The following GRID2IP variants were observed in gnomAD, a reference collection of about 807,000 sequenced individuals.
The protein encoded by GRID2IP is delphilin.
GRID2IP carries 78 observed loss-of-function variants against 114.3 expected under a neutral mutation model. That is an observed-to-expected ratio of 0.68 (90% CI 0.57 to 0.82). GRID2IP has a LOEUF of 0.82. Among genes scored for constraint, GRID2IP ranks in the 40% least tolerant of loss-of-function variants. GRID2IP has a pLI of 0.00. For missense variants in GRID2IP, 1,727 were observed against 1,678.5 expected, an observed-to-expected ratio of 1.03 and a Z score of -0.51; for synonymous variants, 809 against 724.0, an observed-to-expected ratio of 1.12 and a Z score of -1.89.
chr7:6,551,263 G>GC lies in GRID2IP; in HGVS notation c.173dup (p.Gly59ArgfsTer58). 6.5e-7 allele frequency: 1 copy of GC among 1,535,976 alleles called. No homozygotes were observed. Among genetic ancestry groups the GC allele is most frequent in the Non-Finnish European group, 8.7e-7 (1 of 1,145,590 alleles). On this transcript the variant is annotated frameshift_variant, in exon 1 of 22. Transcript: ENST00000457091. LOFTEE classifies it high-confidence loss of function. ...GCACGAGGCGCTCGCGGCTCAGACC[G>GC]CCCACCGCCAGCCCCTCCACCTCCA...
chr7:6,503,736 G>A, intron 15 of GRID2IP, 49 bp from the exon 16 acceptor site: 2 of 1,370,860 alleles, frequency 1.5e-6, no homozygotes, highest in Non-Finnish European at 1.9e-6. Context: ...AGCGGGGCCG[G>A]ATGGGACCCA....
At chr7:6,524,661 A>G (rs1465060331) in intron 4 of GRID2IP, among the ~76,000 whole-genome samples, 1 of 151,882 alleles carries the variant, frequency 6.6e-6, no homozygotes, top group Non-Finnish European at 1.5e-5. Flanking sequence ...TGGAGGCTAC[A>G]GTGGGCCATG....
At chr7:6,511,182 C>A in intron 8 of GRID2IP, 143 bp from the exon 9 acceptor site, 3 of 1,159,454 alleles carry the variant, frequency 2.6e-6, no homozygotes, top group Non-Finnish European at 3.3e-6. Context: ...GCCTCCAGAA[C>A]AGCTCTTGAG....
rs934140368 is a variant in GRID2IP, at chr7:6,526,835, G to C, written c.585-66C>G. 1.4e-6 allele frequency: 2 copies of C among 1,400,800 alleles called. No homozygotes were observed. The highest frequency in any genetic ancestry group is 2.9e-5 in the Admixed American group (1 of 34,598). The allele number at this position is 1,400,800 out of a possible 1,614,324, so 86.8% of individuals were successfully genotyped here. A position where few individuals can be genotyped will look rare whatever the true frequency, so the allele number is the denominator to read the frequency against. ...CCCGGATCTCTGCAAACCGCGGCCCGAAGGCGCGTCCTCGCGGGCGCCGCC... is the reference window on the plus strand; with the variant it reads ...CCCGGATCTCTGCAAACCGCGGCCCCAAGGCGCGTCCTCGCGGGCGCCGCC... On this transcript the variant is annotated intron_variant, in intron 2 of 21. Transcript: ENST00000457091. The surrounding 1 kb of genome is among the most constrained non-coding windows in gnomAD (Gnocchi z 7.6).
rs373605578 is a variant in GRID2IP at position 6,505,912 on chromosome 7, G to A, written c.2545-5C>T. On this transcript the variant is annotated splice_region_variant and splice_polypyrimidine_tract_variant and intron_variant, in intron 13 of 21. Coordinates refer to ENST00000457091, the MANE Select transcript of GRID2IP (RefSeq NM_001145118.2). ...GTAGTCAGAGTCTTCCCCGAGCTGC[G>A]AGGGAGGATGGGAGGTTCAGAGTAG... 3.4e-5 allele frequency: 52 copies of A among 1,546,692 alleles called. No homozygotes were observed. Among genetic ancestry groups the A allele is most frequent in the Middle Eastern group, 1.7e-4 (1 of 5,970 alleles).
chr7:6,521,321 T>C lies in GRID2IP; in HGVS notation c.1084+108A>G, dbSNP rs549571519. 9 of 740,574 alleles carry C rather than the reference T, an allele frequency of 1.2e-5. No individual in the cohort carries two copies. In the East Asian group the frequency reaches 2.7e-4, roughly 22 times the overall value. The allele number at this position is 740,574 out of a possible 1,614,324, so 45.9% of individuals were successfully genotyped here. ...AGGAGGCAGCCCCGGGGAGGCAAGC[T>C]GCAGGTTTAGGGGAAGAGCTGAGTC... On this transcript the variant is annotated intron_variant, in intron 6 of 21. Transcript: ENST00000457091. The surrounding 1 kb of genome is among the most constrained non-coding windows in gnomAD (Gnocchi z 4.1).
intron 2 of GRID2IP, among the ~76,000 whole-genome samples, chr7:6,537,600 G>A (rs957937569): frequency 2.7e-5 from 4 of 150,798 alleles, no homozygotes; most frequent in Admixed American, 6.6e-5. Context: ...GGCTAGTCTC[G>A]AACTCCTGAT....
chr7:6,514,388 G>A lies in GRID2IP; in HGVS notation c.1410C>T (p.Tyr470=). Reference sequence around the variant, plus strand: ...GAGGACGCTTACCTGTCATGGCCGTGTAGCCCAGGAAGCATGCGATTTTCT... The same window carrying A: ...GAGGACGCTTACCTGTCATGGCCGTATAGCCCAGGAAGCATGCGATTTTCT... ...CQEKIACFLG[Y]TAMTAEPEPE... is the part of the protein sequence containing the mutation. Residue 470 remains tyrosine (Y), a synonymous_variant, in exon 8 of 22, where the codon TAC becomes TAT. Transcript: ENST00000457091. 2 of 1,527,412 alleles carry A rather than the reference G, an allele frequency of 1.3e-6. No homozygotes were observed. The highest frequency in any genetic ancestry group is 1.4e-5 in the African/African-American group (1 of 72,712). 94.6% of individuals were successfully genotyped at this position (1,527,412 alleles called of 1,614,324 possible).
Position 6,520,913 on chromosome 7 carries a change from G to C in GRID2IP, c.1085-152C>G, listed in dbSNP as rs1202782469. 2.0e-5 allele frequency among the ~76,000 whole-genome samples: 3 copies of C among 152,194 alleles called. No individual in the cohort carries two copies. Among genetic ancestry groups the C allele is most frequent in the Non-Finnish European group, 4.4e-5 (3 of 68,034 alleles). ...AAGGCATGCCTGTGGCCCGACACCGGGGCCAAGGATAGAGGGAGTCAGCCC... is the reference window on the plus strand; with the variant it reads ...AAGGCATGCCTGTGGCCCGACACCGCGGCCAAGGATAGAGGGAGTCAGCCC... On this transcript the variant is annotated intron_variant, in intron 6 of 21. Coordinates refer to ENST00000457091, the MANE Select transcript of GRID2IP (RefSeq NM_001145118.2). This position sits in a 1 kb window ranked among gnomAD's most constrained non-coding sequence, Gnocchi z 4.6.
At chr7:6,533,529 T>G (rs1779672056) in intron 2 of GRID2IP, among the ~76,000 whole-genome samples, 1 of 151,632 alleles carries the variant, frequency 6.6e-6, no homozygotes, top group South Asian at 2.1e-4. Flanking sequence ...TGGCTAATTT[T>G]TTAATTTTTT....
intron 16 of GRID2IP, 79 bp downstream of exon 16, chr7:6,503,412 G>A: frequency 7.4e-7 from 1 of 1,348,572 alleles, no homozygotes; most frequent in South Asian, 1.5e-5. Context: ...AAGGCGCGCG[G>A]GACCCCAGCA....
intron 1 of GRID2IP, among the ~76,000 whole-genome samples, chr7:6,548,841 CA>C (rs60120996): frequency 0.41 from 43,970 of 105,968 alleles, 6,616 homozygotes; most frequent in Admixed American, 0.49. Context: ...GACTCTGCCT[CA>C]AAAAAAAAAA....
chr7:6,514,594 G>A (rs1779256004), intron 7 of GRID2IP, 65 bp from the exon 8 acceptor site: 1 of 1,374,024 alleles, frequency 7.3e-7, no homozygotes, highest in South Asian at 1.6e-5. Flanking sequence ...ACAGAGTGGG[G>A]GTAGACAAGA....
At chr7:6,529,816 TC>T (rs756843644) in intron 2 of GRID2IP, among the ~76,000 whole-genome samples, 1 of 152,150 alleles carries the variant, frequency 6.6e-6, no homozygotes, top group African/African-American at 2.4e-5. Flanking sequence ...ACAGGACTCT[TC>T]CTGGGGGCCA....
At chr7:6,511,638 G>T (rs1382880110) in intron 8 of GRID2IP, among the ~76,000 whole-genome samples, 1 of 152,144 alleles carries the variant, frequency 6.6e-6, no homozygotes, top group Admixed American at 6.6e-5. Flanking sequence ...CTCCCAAAGT[G>T]CTGGGATTAC....
chr7:6,510,771 C>T (rs1779131099), intron 9 of GRID2IP, 65 bp from the exon 10 acceptor site: 3 of 1,498,676 alleles, frequency 2.0e-6, no homozygotes, highest in Middle Eastern at 1.7e-4. Flanking sequence ...CCAGAACCAA[C>T]ATGCCCCGCA....
At chr7:6,515,155 T>G (rs1583341215) in intron 7 of GRID2IP, among the ~76,000 whole-genome samples, 1 of 151,874 alleles carries the variant, frequency 6.6e-6, no homozygotes, top group South Asian at 2.1e-4. Flanking sequence ...ATAGAGCTGT[T>G]GTGAAGATTA....
Position 6,508,292 on chromosome 7 carries a change from G to C in GRID2IP, c.2237C>G (p.Ser746Cys). Residue 746 changes from serine to cysteine, a missense_variant, in exon 13 of 22, where the codon TCT becomes TGT. Coordinates refer to ENST00000457091, the MANE Select transcript of GRID2IP (RefSeq NM_001145118.2). The surrounding 1 kb of genome is among the most constrained non-coding windows in gnomAD (Gnocchi z 5.6). ...EGSSLTYSSI[S>C]DHIPPPPLSP... ...GAGCGGGGGTGGGGGGATGTGGTCA[G>C]AGATGGAGGAGTAGGTCAGGGAGCT... The C allele has an allele frequency of 1.3e-6, 2 of 1,549,204 alleles. No homozygotes were observed. The highest frequency in any genetic ancestry group is 2.0e-5 in the Admixed American group (1 of 50,942).
intron 8 of GRID2IP, among the ~76,000 whole-genome samples, chr7:6,511,900 T>G (rs1288457543): frequency 6.6e-6 from 1 of 150,644 alleles, no homozygotes; most frequent in East Asian, 1.9e-4. Context: ...TCTCTCTCTG[T>G]CTCTTTCTCT....
Sources: allele counts gnomAD v4.1 joint callset (sites outside exome capture counted in the v4.1 genomes callset), GRCh38; gene constraint gnomAD v4.1.1; non-coding constraint Gnocchi (gnomAD v3.1); transcripts MANE v1.5; gene names NCBI Gene and HGNC (gene_info 2026-07-23, HGNC 2026-07-21).